SOX5: variants seen among roughly 807,000 people sequenced by gnomAD.
The protein encoded by SOX5 is transcription factor SOX-5.
SOX5 carries 9 observed loss-of-function variants against 92.0 expected under a neutral mutation model. The ratio of observed to expected loss-of-function variants is 0.10; its 90% CI spans 0.06 to 0.17. The LOEUF is 0.17. Among genes scored for constraint, SOX5 ranks in the 10% least tolerant of loss-of-function variants. The probability of loss-of-function intolerance (pLI) is 1.00; values close to 1 mark genes in which losing one functional copy is unlikely to be tolerated. For synonymous variants in SOX5, 344 were observed against 336.3 expected (o/e 1.02, Z -0.25); for missense variants, 642 against 944.5 (o/e 0.68, Z 4.20).
At chr12:23,615,345 A>ATTTTAAATT (rs1357672834) in intron 8 of SOX5, among the ~76,000 whole-genome samples, 1 of 151,764 alleles carries the variant, frequency 6.6e-6, no homozygotes, top group Non-Finnish European at 1.5e-5. Flanking sequence ...GTTTTGTTTT[A>ATTTTAAATT]TTTTAAATTT....
intron 1 of SOX5, among the ~76,000 whole-genome samples, chr12:24,506,394 C>A: frequency 1.6e-5 from 2 of 128,400 alleles, no homozygotes; most frequent in South Asian, 2.6e-4. Context: ...TTCCAAGAGG[C>A]ACATAAATTT....
intron 3 of SOX5, among the ~76,000 whole-genome samples, chr12:23,807,642 ATTT>A (rs34889293): frequency 2.1e-5 from 3 of 142,134 alleles, no homozygotes; most frequent in African/African-American, 2.6e-5. Context: ...CAGAAATTCC[ATTT>A]TTTTTTTTTT....
At chr12:23,536,840 T>C (rs570687926) in intron 13 of SOX5, among the ~76,000 whole-genome samples, 171 bp from the exon 14 acceptor site, 11 of 152,292 alleles carry the variant, frequency 7.2e-5, no homozygotes, top group Admixed American at 3.3e-4. Flanking sequence ...GTGGTGGTTT[T>C]GTACCTAAAG....
intron 3 of SOX5, among the ~76,000 whole-genome samples, chr12:24,261,453 T>C (rs1409634029): frequency 2.0e-5 from 3 of 152,188 alleles, no homozygotes. Flanking sequence ...TATTACATTT[T>C]ACTTTTGGTT....
intron 4 of SOX5, among the ~76,000 whole-genome samples, chr12:24,065,407 G>C (rs576753295): frequency 6.6e-6 from 1 of 152,224 alleles, no homozygotes; most frequent in East Asian, 1.9e-4. Flanking sequence ...CCAGCACTTT[G>C]GGAGGCCAAG....
At chr12:24,144,806 G>A (rs1950911548) in intron 4 of SOX5, among the ~76,000 whole-genome samples, 1 of 151,736 alleles carries the variant, frequency 6.6e-6, no homozygotes, top group African/African-American at 2.4e-5. Flanking sequence ...TCCAGCTTGG[G>A]TAAAAGAGCA....
chr12:23,779,895 A>T (rs1266836097), intron 3 of SOX5, among the ~76,000 whole-genome samples: 2 of 148,048 alleles, frequency 1.4e-5, no homozygotes, highest in Non-Finnish European at 3.0e-5. Context: ...CTAATGATAC[A>T]ATGTGTGCTC....
In SOX5 at chr12:23,705,427, G is replaced by A. The variant is rs1215826897; in HGVS notation, c.810+29257C>T. 2.6e-5 allele frequency among the ~76,000 whole-genome samples: 4 copies of A among 151,944 alleles called. No homozygotes were observed. The East Asian group carries it at 7.7e-4, about 29-fold the overall frequency. On this transcript the variant is annotated intron_variant, in intron 6 of 14. Transcript: ENST00000451604. ...ACAAACCTCTGAGCTGGTTTGATCA[G>A]AGGCTTTGTGCACACTAATCACACC...
At chr12:23,578,640 T>A (rs568964864) in intron 9 of SOX5, among the ~76,000 whole-genome samples, 15 of 152,256 alleles carry the variant, frequency 9.9e-5, no homozygotes, top group Non-Finnish European at 2.1e-4. Context: ...ATAAATTGAA[T>A]GTTACTGAGA....
chr12:24,443,548 G>C (rs1036055027), intron 1 of SOX5, among the ~76,000 whole-genome samples: 1 of 152,158 alleles, frequency 6.6e-6, no homozygotes, highest in African/African-American at 2.4e-5. Flanking sequence ...AGAAAAAAAA[G>C]GGGCATGCAT....
intron 1 of SOX5, among the ~76,000 whole-genome samples, chr12:24,407,235 T>C (rs1963176640): frequency 1.3e-5 from 2 of 152,070 alleles, no homozygotes; most frequent in South Asian, 4.2e-4. Context: ...GATCGAGGTG[T>C]GCCCCGGCAG....
chr12:23,557,941 AC>A (rs1286616373), intron 11 of SOX5, among the ~76,000 whole-genome samples: 7 of 143,800 alleles, frequency 4.9e-5, no homozygotes, highest in African/African-American at 1.8e-4. Context: ...GCGCCATTGC[AC>A]TCCAGCCTGG....
chr12:23,892,857 C>A (rs183646411), intron 2 of SOX5, among the ~76,000 whole-genome samples: 7 of 152,262 alleles, frequency 4.6e-5, no homozygotes, highest in African/African-American at 1.7e-4. Context: ...CTCTGATATG[C>A]TGACATATAG....
chr12:24,087,960 T>C (rs887691299), intron 4 of SOX5, among the ~76,000 whole-genome samples: 20 of 152,184 alleles, frequency 1.3e-4, no homozygotes, highest in African/African-American at 4.8e-4. Context: ...GCAGGCTCTT[T>C]AGCCCTCAAC....
At chr12:23,735,289 T>G (rs17395631) in intron 5 of SOX5, among the ~76,000 whole-genome samples, 13,555 of 152,200 alleles carry the variant, frequency 0.089, 747 homozygotes, top group South Asian at 0.12. Context: ...TGTTTCCATT[T>G]TTTTTTACCA....
At chr12:23,779,186 C>T (rs2095201933) in intron 3 of SOX5, among the ~76,000 whole-genome samples, 1 of 152,004 alleles carries the variant, frequency 6.6e-6, no homozygotes, top group Admixed American at 6.6e-5. Context: ...GCAATACTCA[C>T]CTAATGTAGG....
intron 8 of SOX5, among the ~76,000 whole-genome samples, chr12:23,607,887 A>G (rs1206394822): frequency 6.6e-6 from 1 of 152,130 alleles, no homozygotes; most frequent in Non-Finnish European, 1.5e-5. Flanking sequence ...AAGGTATATT[A>G]TGATGAATGT....
At chr12:24,529,271 T>C (rs1356404132) in intron 1 of SOX5, among the ~76,000 whole-genome samples, 9 of 152,230 alleles carry the variant, frequency 5.9e-5, no homozygotes, top group African/African-American at 1.9e-4. Flanking sequence ...TGAATTCAGA[T>C]AATACATTAC....
At chr12:24,545,993 T>C (rs957606332) in intron 1 of SOX5, among the ~76,000 whole-genome samples, 8 of 152,230 alleles carry the variant, frequency 5.3e-5, no homozygotes, top group Non-Finnish European at 1.2e-4. Context: ...GTGGTGTCCC[T>C]GAGAATCCTC....
Sources: allele counts gnomAD v4.1 joint callset (sites outside exome capture counted in the v4.1 genomes callset), GRCh38; gene constraint gnomAD v4.1.1; transcripts MANE v1.5; gene names NCBI Gene and HGNC (gene_info 2026-07-23, HGNC 2026-07-21).